HAS2: variants seen among roughly 807,000 people sequenced by gnomAD.
HAS2 encodes the protein HA synthase 2.
Under a neutral mutation model 51.6 loss-of-function variants are expected in HAS2, and 16 were observed. The observed-to-expected ratio is 0.31, with a 90% CI of 0.21 to 0.47. HAS2 has a LOEUF of 0.47. HAS2 is among the 20% of genes least tolerant of loss of function. The probability of loss-of-function intolerance (pLI) is 1.00; values close to 1 mark genes in which losing one functional copy is unlikely to be tolerated. For synonymous variants in HAS2, 228 were observed against 235.5 expected (o/e 0.97, Z 0.29); for missense variants, 361 against 662.6 (o/e 0.54, Z 5.00).
Position 121,614,388 on chromosome 8 carries a change from T to G in HAS2, c.1380A>C (p.Lys460Asn). 1 of 1,614,180 alleles carries G rather than the reference T, an allele frequency of 6.2e-7. No individual in the cohort carries two copies. Among genetic ancestry groups the G allele is most frequent in the Non-Finnish European group, 8.5e-7 (1 of 1,180,014 alleles). ...TCCTTCCTGATGTGCCCCACCCAGC[T>G]TTGTTTATTGTTGCAATTGCAAACA... ...AKMFAIATIN[K>N]AGWGTSGRKT... Residue 460 changes from lysine to asparagine, a missense_variant, in exon 4 of 4, where the codon AAA becomes AAC. By Grantham distance (94) the Lys-to-Asn change is moderately conservative. This residue lies in a region of HAS2 where 106 missense variants were observed against 241.0 expected (regional missense o/e 0.44). Coordinates refer to ENST00000303924, the MANE Select transcript of HAS2 (RefSeq NM_005328.3). This position sits in a 1 kb window ranked among gnomAD's most constrained non-coding sequence, Gnocchi z 7.2.
At chr8:121,636,039 T>G (rs1204169129) in intron 1 of HAS2, among the ~76,000 whole-genome samples, 14 of 152,304 alleles carry the variant, frequency 9.2e-5, no homozygotes, top group Non-Finnish European at 1.5e-5. Context: ...GTTCCCAAAT[T>G]TTGCTATATA....
Position 121,612,943 on chromosome 8 carries a change from G to A in HAS2, c.*1166C>T, listed in dbSNP as rs547352237. 1.5e-5 allele frequency: 2 copies of A among 132,774 alleles called. No homozygotes were observed. The highest frequency in any genetic ancestry group is 6.1e-5 in the African/African-American group (2 of 32,678). The allele number at this position is 132,774 out of a possible 1,614,324, so 8.2% of individuals were successfully genotyped here. ...ACTAACATGTAAAGTGAACTGGCAA[G>A]TTGAAAAAAAAAAAAAAGACAGGCA... On this transcript the variant is annotated 3_prime_UTR_variant, in exon 4 of 4. Coordinates refer to ENST00000303924, the MANE Select transcript of HAS2 (RefSeq NM_005328.3).
chr8:121,636,732 T>C (rs1224924488), intron 1 of HAS2, among the ~76,000 whole-genome samples: 1 of 152,220 alleles, frequency 6.6e-6, no homozygotes, highest in African/African-American at 2.4e-5. Context: ...TAGTTTTATA[T>C]GTACCTACAT....
In HAS2 at chr8:121,615,055, A is replaced by G. The variant is rs201257491; in HGVS notation, c.730-17T>C. On this transcript the variant is annotated splice_polypyrimidine_tract_variant and intron_variant, in intron 3 of 3. Transcript: ENST00000303924. ...GTTTAAAATCTGCAAGAAGAAAAAC[A>G]TAAGTAATAGGTAAGCTTTAGCTAA... 7.4e-5 allele frequency: 117 copies of G among 1,574,584 alleles called. 1 individual carries two copies. The East Asian group carries it at 2.3e-3, about 31-fold the overall frequency.
chr8:121,623,122 T>C (rs1455823752), intron 2 of HAS2, among the ~76,000 whole-genome samples: 1 of 152,098 alleles, frequency 6.6e-6, no homozygotes, highest in Non-Finnish European at 1.5e-5. Flanking sequence ...TACTTCTTTG[T>C]AATTCTTCTT....
chr8:121,616,304 CTGTT>C (rs1163703535), intron 3 of HAS2, among the ~76,000 whole-genome samples: 2 of 151,812 alleles, frequency 1.3e-5, no homozygotes. Flanking sequence ...ACTTGAGTCT[CTGTT>C]TTTTTTTAAT....
Position 121,613,226 on chromosome 8 carries a change from T to C in HAS2, c.*883A>G, listed in dbSNP as rs572795608. 25 of 152,352 alleles carry C rather than the reference T, an allele frequency of 1.6e-4. No homozygotes were observed. In the East Asian group the frequency reaches 4.6e-3, roughly 28 times the overall value. 9.4% of individuals were successfully genotyped at this position (152,352 alleles called of 1,614,324 possible). A position where few individuals can be genotyped will look rare whatever the true frequency, so the allele number is the denominator to read the frequency against. ...TTAAATCTTAATGAAAAAATTGCAC[T>C]ACCTTTGGCCTTGATTTTCAACGAT... On this transcript the variant is annotated 3_prime_UTR_variant, in exon 4 of 4. Transcript: ENST00000303924.
chr8:121,614,739 T>C lies in HAS2; in HGVS notation c.1029A>G (p.Glu343=), dbSNP rs35375618. 42,851 of 1,614,180 alleles carry C rather than the reference T, an allele frequency of 0.027. 727 individuals are homozygous for C. Among genetic ancestry groups the C allele is most frequent in the Middle Eastern group, 0.079 (476 of 6,062 alleles). The change falls in exon 4 of 4, where the codon GAA becomes GAG. Residue 343 remains glutamate (E), a synonymous_variant. Transcript: ENST00000303924. The surrounding 1 kb of genome is among the most constrained non-coding windows in gnomAD (Gnocchi z 7.2). ...TCTGCTGGTTTAGCCATCTGAGATA[T>C]TCTATAGGTGTTTCAGTAAGGCACT... The part of the protein sequence containing the change: ...RSKCLTETPI[E]YLRWLNQQTR...
intron 1 of HAS2, 78 bp from the exon 2 acceptor site, chr8:121,629,418 G>A: frequency 8.8e-7 from 1 of 1,130,424 alleles, no homozygotes; most frequent in South Asian, 1.5e-5. Context: ...CATGGGGAGA[G>A]TATTGGACTA....
At chr8:121,627,268 A>G (rs1241679760) in intron 2 of HAS2, among the ~76,000 whole-genome samples, 1 of 152,162 alleles carries the variant, frequency 6.6e-6, no homozygotes, top group African/African-American at 2.4e-5. Context: ...AAAATAGCCT[A>G]TTATCCTCTC....
chr8:121,637,592 T>C (rs1270322889), intron 1 of HAS2, among the ~76,000 whole-genome samples: 1 of 152,132 alleles, frequency 6.6e-6, no homozygotes. Flanking sequence ...GGTTTCACCA[T>C]TTTGGCCAGG....
rs552833590 is a variant in HAS2, at chr8:121,630,908, G to C, written c.1-1568C>G. 8.7e-4 allele frequency among the ~76,000 whole-genome samples: 132 copies of C among 152,290 alleles called. 2 individuals are homozygous for C. The South Asian group carries it at 0.027, about 31-fold the overall frequency. On this transcript the variant is annotated intron_variant, in intron 1 of 3. Coordinates refer to ENST00000303924, the MANE Select transcript of HAS2 (RefSeq NM_005328.3). ...CAATTGTACATTGAGAAGGTCCTAAGGGGATCTGCACTGTACTTTTGGGAA... is the reference window on the plus strand; with the variant it reads ...CAATTGTACATTGAGAAGGTCCTAACGGGATCTGCACTGTACTTTTGGGAA...
chr8:121,636,689 A>G (rs1586511252), intron 1 of HAS2, among the ~76,000 whole-genome samples: 2 of 152,278 alleles, frequency 1.3e-5, no homozygotes, highest in African/African-American at 2.4e-5. Flanking sequence ...AGTGTAGGGG[A>G]AAAAAATTAC....
intron 2 of HAS2, among the ~76,000 whole-genome samples, chr8:121,626,395 G>C (rs1301357844): frequency 6.6e-6 from 1 of 152,168 alleles, no homozygotes; most frequent in Non-Finnish European, 1.5e-5. Flanking sequence ...GGATTCGGCT[G>C]CAACTGGAAA....
intron 2 of HAS2, among the ~76,000 whole-genome samples, chr8:121,621,153 G>A (rs1447347195): frequency 1.3e-5 from 2 of 152,120 alleles, no homozygotes; most frequent in Admixed American, 6.6e-5. Context: ...TGGTTACACG[G>A]GGAAGGTTCT....
chr8:121,638,517 A>G (rs1294104141), intron 1 of HAS2, among the ~76,000 whole-genome samples: 3 of 152,222 alleles, frequency 2.0e-5, no homozygotes, highest in Non-Finnish European at 4.4e-5. Context: ...CTCAGGTGAT[A>G]TCTAAGAAAA....
At chr8:121,620,557 T>C (rs1023927379) in intron 2 of HAS2, among the ~76,000 whole-genome samples, 2 of 152,214 alleles carry the variant, frequency 1.3e-5, no homozygotes, top group East Asian at 3.8e-4. Context: ...AGTTATAAGA[T>C]TTCTCACCAG....
Position 121,612,937 on chromosome 8 carries a change from T to G in HAS2, c.*1172A>C, listed in dbSNP as rs1235031744. On this transcript the variant is annotated 3_prime_UTR_variant, in exon 4 of 4. Transcript: ENST00000303924. ...CATTATACTAACATGTAAAGTGAACTGGCAAGTTGAAAAAAAAAAAAAAGA... is the reference window on the plus strand; with the variant it reads ...CATTATACTAACATGTAAAGTGAACGGGCAAGTTGAAAAAAAAAAAAAAGA... 7.1e-6 allele frequency: 1 copy of G among 141,656 alleles called. No homozygotes were observed. The highest frequency in any genetic ancestry group is 1.5e-5 in the Non-Finnish European group (1 of 65,532). The allele number at this position is 141,656 out of a possible 1,614,324, so 8.8% of individuals were successfully genotyped here. A position where few individuals can be genotyped will look rare whatever the true frequency, so the allele number is the denominator to read the frequency against.
chr8:121,621,209 G>A (rs1278274502), intron 2 of HAS2, among the ~76,000 whole-genome samples: 1 of 152,190 alleles, frequency 6.6e-6, no homozygotes, highest in Non-Finnish European at 1.5e-5. Context: ...TATGTTTGAA[G>A]CCCAATTTTA....
Sources: gnomAD v4.1 joint callset for allele counts (sites outside exome capture counted in the v4.1 genomes callset) on GRCh38, gnomAD v4.1.1 for gene constraint, gnomAD v4.1.1 regional missense constraint, Gnocchi (gnomAD v3.1) non-coding constraint, MANE v1.5 for transcripts, NCBI Gene and HGNC (gene_info 2026-07-23, HGNC 2026-07-21) for gene names.